The following NLRP6 variants were observed in gnomAD, a reference collection of about 807,000 sequenced individuals.
NLRP6 encodes the protein NACHT, LRR and PYD domains-containing protein 6.
Under a neutral mutation model 70.9 loss-of-function variants are expected in NLRP6, and 55 were observed. The observed-to-expected ratio is 0.78, with a 90% CI of 0.62 to 0.97. The LOEUF (loss-of-function observed/expected upper bound fraction) is 0.97, where lower values mean the gene tolerates loss of function less well. NLRP6 is among the 50% of genes least tolerant of loss of function. The pLI, the probability that NLRP6 is intolerant of heterozygous loss-of-function variation, is 0.00. For synonymous variants in NLRP6, 652 were observed against 581.9 expected (o/e 1.12, Z -1.73); for missense variants, 1,241 against 1,238.3 (o/e 1.00, Z -0.03).
chr11:280,162 T>C lies in NLRP6; in HGVS notation c.428T>C (p.Ile143Thr), dbSNP rs1845446574. ...VKERNARSVK[I>T]TKRFTKLLIA... ...GAGAGGAACGCCCGCTCCGTGAAGA[T>C]CACCAAGCGCTTCACCAAGCTGCTC... The change falls in exon 4 of 8, where the codon ATC (isoleucine) becomes ACC (threonine). Residue 143 changes from isoleucine (I) to threonine (T), a missense_variant. Coordinates refer to ENST00000534750, the MANE Select transcript of NLRP6 (RefSeq NM_001276700.2). 1.3e-6 allele frequency: 2 copies of C among 1,550,816 alleles called. No individual in the cohort carries two copies. Among genetic ancestry groups the C allele is most frequent in the Non-Finnish European group, 1.7e-6 (2 of 1,148,044 alleles).
Position 281,784 on chromosome 11 carries a change from G to C in NLRP6, c.2050G>C (p.Glu684Gln). The C allele has an allele frequency of 6.2e-7, 1 of 1,604,274 alleles. No individual in the cohort carries two copies. Among genetic ancestry groups the C allele is most frequent in the South Asian group, 1.1e-5 (1 of 90,890 alleles). ...LISCRLVAAQEKKKKSLGKRL... is the reference protein window; with the variant it reads ...LISCRLVAAQQKKKKSLGKRL... ...CAGCTGCAGATTGGTTGCTGCGCAG[G>C]AGAAGAAGAAGAAGAGCCTGGGGAA... Residue 684 changes from glutamate to glutamine, a missense_variant, in exon 4 of 8, where the codon GAG becomes CAG. Glu to Gln is a conservative substitution (Grantham distance 29, BLOSUM62 2). Transcript: ENST00000534750.
rs200341428 is a variant in NLRP6, at chr11:284,348, C to T, written c.2317C>T (p.Arg773Cys). 2.1e-4 allele frequency: 336 copies of T among 1,608,980 alleles called. No individual in the cohort carries two copies. The highest frequency in any genetic ancestry group is 9.5e-4 in the South Asian group (86 of 90,956). ...CAACAGGCTCAGTGAGGCGGGACTGCGTATGCTGAGTGAGGGCCTAGCCTG... is the reference window on the plus strand; with the variant it reads ...CAACAGGCTCAGTGAGGCGGGACTGTGTATGCTGAGTGAGGGCCTAGCCTG... Reference protein sequence around the residue: ...LHNRLSEAGLRMLSEGLAWPQ... With the variant: ...LHNRLSEAGLCMLSEGLAWPQ... Residue 773 changes from arginine (R) to cysteine (C), a missense_variant, in exon 6 of 8, where the codon CGT becomes TGT. Coordinates refer to ENST00000534750, the MANE Select transcript of NLRP6 (RefSeq NM_001276700.2).
intron 4 of NLRP6, 22 bp from the exon 5 acceptor site, chr11:282,683 A>T: frequency 6.3e-7 from 1 of 1,593,584 alleles, no homozygotes; most frequent in Non-Finnish European, 8.6e-7. Flanking sequence ...GGTGGGCTTC[A>T]CCTTCCTCTC....
Position 280,374 on chromosome 11 carries a change from A to C in NLRP6, c.640A>C (p.Lys214Gln). Residue 214 changes from lysine (K) to glutamine (Q), a missense_variant, in exon 4 of 8, where the codon AAG (lysine) becomes CAG (glutamine). Lys to Gln is a moderately conservative substitution (Grantham distance 53, BLOSUM62 1). Coordinates refer to ENST00000534750, the MANE Select transcript of NLRP6 (RefSeq NM_001276700.2). ...CATCGGCAAGACCATGGCGGCCAAA[A>C]AGATCCTGTACGACTGGGCGGCGGG... ...AGIGKTMAAK[K>Q]ILYDWAAGKL... The C allele has an allele frequency of 1.3e-6, 2 of 1,548,284 alleles. No individual in the cohort carries two copies. The highest frequency in any genetic ancestry group is 1.7e-4 in the Middle Eastern group (1 of 5,978).
chr11:279,147 G>A (rs890173639), intron 1 of NLRP6, 180 bp from the exon 2 acceptor site: 1 of 492,828 alleles, frequency 2.0e-6, no homozygotes, highest in Non-Finnish European at 3.2e-6. Flanking sequence ...GGGGACGGGG[G>A]AGGGAAAAGT....
Position 279,606 on chromosome 11 carries a change from G to A in NLRP6, c.309G>A (p.Gln103=). ...CGCAGCTCCAGGAGCGGCGGCTGCA[G>A]CGTGAGTTCTGCGCGGGAGGTCCCT... The part of the protein sequence containing the change: ...VAAQLQERRL[Q]RLGLGSGTLL... The change falls in exon 2 of 8, where the codon CAG becomes CAA. Residue 103 remains glutamine (Q), a splice_region_variant and synonymous_variant. Transcript: ENST00000534750. 7.1e-7 allele frequency: 1 copy of A among 1,399,032 alleles called. No individual in the cohort carries two copies. The highest frequency in any genetic ancestry group is 9.2e-7 in the Non-Finnish European group (1 of 1,081,238). The allele number at this position is 1,399,032 out of a possible 1,614,324, so 86.7% of individuals were successfully genotyped here.
rs1228001733 is a variant in NLRP6 at position 281,187 on chromosome 11, C to G, written c.1453C>G (p.Leu485Val). ...GACGCTGTTTCTCAGCAAAAAGGAG[C>G]TGCCGGGCGTGCTGGAGACAGAGGT... ...VQTLFLSKKE[L>V]PGVLETEVTY... is the part of the protein sequence containing the mutation. The change falls in exon 4 of 8, where the codon CTG (leucine) becomes GTG (valine). Residue 485 changes from leucine to valine, a missense_variant. Coordinates refer to ENST00000534750, the MANE Select transcript of NLRP6 (RefSeq NM_001276700.2). 6.2e-7 allele frequency: 1 copy of G among 1,613,216 alleles called. No homozygotes were observed. The highest frequency in any genetic ancestry group is 8.5e-7 in the Non-Finnish European group (1 of 1,179,990).
Position 281,781 on chromosome 11 carries a change from CAGG to C in NLRP6, c.2050_2052del (p.Glu684del), listed in dbSNP as rs754832325. The C allele has an allele frequency of 1.1e-5, 18 of 1,605,656 alleles. No homozygotes were observed. In the African/African-American group the frequency reaches 1.9e-4, roughly 17 times the overall value. ...GATCAGCTGCAGATTGGTTGCTGCG[CAGG>C]AGAAGAAGAAGAAGAGCCTGGGGAA... is the stretch of plus-strand genomic sequence containing the variant. On this transcript the variant is annotated inframe_deletion, in exon 4 of 8. Coordinates refer to ENST00000534750, the MANE Select transcript of NLRP6 (RefSeq NM_001276700.2).
intron 4 of NLRP6, 147 bp downstream of exon 4, chr11:281,986 C>T (rs927876017): frequency 1.2e-5 from 8 of 657,476 alleles, no homozygotes; most frequent in African/African-American, 1.1e-4. Flanking sequence ...CACCTCCTTG[C>T]AAGGCAACCA....
intron 4 of NLRP6, among the ~76,000 whole-genome samples, 191 bp from the exon 5 acceptor site, chr11:282,514 G>A (rs1267399390): frequency 2.0e-5 from 3 of 151,924 alleles, no homozygotes; most frequent in Admixed American, 1.3e-4. Context: ...CACCCCAGTG[G>A]GATGATGCCT....
Position 281,603 on chromosome 11 carries a change from C to T in NLRP6, c.1869C>T (p.Tyr623=), listed in dbSNP as rs777104028. 6.2e-7 allele frequency: 1 copy of T among 1,611,902 alleles called. No individual in the cohort carries two copies. Among genetic ancestry groups the T allele is most frequent in the Non-Finnish European group, 8.5e-7 (1 of 1,179,086 alleles). ...CCAACTACCCACTGGAGTTGCTGTA[C>T]TGCCTGTACGAGACGCAGGAGGACG... The part of the protein sequence containing the change: ...EEPNYPLELL[Y]CLYETQEDAF... Residue 623 remains tyrosine (Y), a synonymous_variant, in exon 4 of 8, where the codon TAC becomes TAT. Transcript: ENST00000534750.
In NLRP6 at chr11:278,993, T is replaced by A. The variant is rs143870174; in HGVS notation, c.30-334T>A. 3,881 of 352,242 alleles carry A rather than the reference T, an allele frequency of 0.011. 33 individuals are homozygous for A. The highest frequency in any genetic ancestry group is 0.024 in the Middle Eastern group (33 of 1,400). 21.8% of individuals were successfully genotyped at this position (352,242 alleles called of 1,614,324 possible). On this transcript the variant is annotated intron_variant, in intron 1 of 7. Coordinates refer to ENST00000534750, the MANE Select transcript of NLRP6 (RefSeq NM_001276700.2). The surrounding 1 kb of genome is among the most constrained non-coding windows in gnomAD (Gnocchi z 4.7). The stretch of plus-strand genomic sequence containing the variant: ...TTGGAAATACCTCCCTCGGGGCATG[T>A]GACCTGTCCTGGGGTGTGGAAGGAC...
rs1433680361 is a variant in NLRP6 at position 280,973 on chromosome 11, GACC to G, written c.1245_1247del (p.Thr416del). On this transcript the variant is annotated inframe_deletion, in exon 4 of 8. Coordinates refer to ENST00000534750, the MANE Select transcript of NLRP6 (RefSeq NM_001276700.2). ...GTCGGGACCTGTCGCGCACGTCCAAGACCACCACGTCAGTGTACCTGCTTTTCA... is the reference window on the plus strand; with the variant it reads ...GTCGGGACCTGTCGCGCACGTCCAAGACCACGTCAGTGTACCTGCTTTTCA... 1.2e-6 allele frequency: 2 copies of G among 1,613,102 alleles called. No individual in the cohort carries two copies.
chr11:285,366 C>CTTGG lies in NLRP6; in HGVS notation c.*62_*63insTTGG. 6.5e-7 allele frequency: 1 copy of CTTGG among 1,540,712 alleles called. No homozygotes were observed. The highest frequency in any genetic ancestry group is 8.9e-7 in the Non-Finnish European group (1 of 1,127,910). ...CAAAGTCCCTGTGGAGAGAACGGCC[C>CTTGG]ATTCCAAGGGCAGGAGGATATTGCT... On this transcript the variant is annotated 3_prime_UTR_variant, in exon 8 of 8. Transcript: ENST00000534750.
Position 280,831 on chromosome 11 carries a change from G to C in NLRP6, c.1097G>C (p.Arg366Thr). Reference sequence around the variant, plus strand: ...TTCTACAAGTATTTCCGGGATGAGAGGAGGGCCGAGCGCGCCTACCGCTTC... The same window carrying C: ...TTCTACAAGTATTTCCGGGATGAGACGAGGGCCGAGCGCGCCTACCGCTTC... Reference protein sequence around the residue: ...KYFYKYFRDERRAERAYRFVK... With the variant: ...KYFYKYFRDETRAERAYRFVK... The change falls in exon 4 of 8, where the codon AGG becomes ACG. Residue 366 changes from arginine (R) to threonine (T), a missense_variant. Arg to Thr is a moderately conservative substitution (Grantham distance 71). Transcript: ENST00000534750. 1.2e-6 allele frequency: 2 copies of C among 1,613,156 alleles called. No individual in the cohort carries two copies. Among genetic ancestry groups the C allele is most frequent in the Non-Finnish European group, 1.7e-6 (2 of 1,179,896 alleles).
chr11:281,267 C>T lies in NLRP6; in HGVS notation c.1533C>T (p.Tyr511=). 1 of 1,610,956 alleles carries T rather than the reference C, an allele frequency of 6.2e-7. No individual in the cohort carries two copies. The highest frequency in any genetic ancestry group is 8.5e-7 in the Non-Finnish European group (1 of 1,178,322). ...SFQEFLAALS[Y]LLEDGGVPRT... ...AGGAGTTCCTCGCGGCACTGTCCTACCTGCTGGAGGACGGCGGGGTGCCCA... is the reference window on the plus strand; with the variant it reads ...AGGAGTTCCTCGCGGCACTGTCCTATCTGCTGGAGGACGGCGGGGTGCCCA... The change falls in exon 4 of 8, where the codon TAC becomes TAT. Residue 511 remains tyrosine, a synonymous_variant. Transcript: ENST00000534750.
chr11:279,357 G>C lies in NLRP6; in HGVS notation c.60G>C (p.Glu20Asp). 2.3e-6 allele frequency: 3 copies of C among 1,295,810 alleles called. No homozygotes were observed. The highest frequency in any genetic ancestry group is 2.9e-6 in the Non-Finnish European group (3 of 1,021,434). The allele number at this position is 1,295,810 out of a possible 1,614,324, so 80.3% of individuals were successfully genotyped here. A position where few individuals can be genotyped will look rare whatever the true frequency, so the allele number is the denominator to read the frequency against. ...STGPRLAVAR[E>D]LLLAALEELS... ...GGCCGCGCCTCGCGGTGGCCCGCGA[G>C]CTGCTCCTGGCTGCGCTGGAGGAAC... Residue 20 changes from glutamate (E) to aspartate (D), a missense_variant, in exon 2 of 8, where the codon GAG (glutamate) becomes GAC (aspartate). Glu to Asp is a conservative substitution (Grantham distance 45). Coordinates refer to ENST00000534750, the MANE Select transcript of NLRP6 (RefSeq NM_001276700.2).
chr11:279,427 G>T lies in NLRP6; in HGVS notation c.130G>T (p.Val44Leu). The T allele has an allele frequency of 3.6e-6, 5 of 1,373,454 alleles. No homozygotes were observed. The highest frequency in any genetic ancestry group is 1.7e-5 in the South Asian group (1 of 60,564). 85.1% of individuals were successfully genotyped at this position (1,373,454 alleles called of 1,614,324 possible). A position where few individuals can be genotyped will look rare whatever the true frequency, so the allele number is the denominator to read the frequency against. Residue 44 changes from valine to leucine, a missense_variant, in exon 2 of 8, where the codon GTG becomes TTG. Physicochemically the swap from Val to Leu is conservative, Grantham distance 32. Transcript: ENST00000534750. Reference sequence around the variant, plus strand: ...GCGCTTCCGCCACAAGCTGCGCGACGTGGGCCCGGACGGACGCAGCATCCC... The same window carrying T: ...GCGCTTCCGCCACAAGCTGCGCGACTTGGGCCCGGACGGACGCAGCATCCC... The part of the protein sequence containing the change: ...LKRFRHKLRD[V>L]GPDGRSIPWG...
intron 5 of NLRP6, 147 bp from the exon 6 acceptor site, chr11:284,079 GGGCA>G: frequency 1.5e-6 from 1 of 678,472 alleles, no homozygotes; most frequent in Non-Finnish European, 2.6e-6. Flanking sequence ...ACAAAGGGCA[GGGCA>G]GGCTCTGCGA....
Sources: gnomAD v4.1 joint callset for allele counts (sites outside exome capture counted in the v4.1 genomes callset) on GRCh38, gnomAD v4.1.1 for gene constraint, Gnocchi (gnomAD v3.1) non-coding constraint, MANE v1.5 for transcripts, NCBI Gene and HGNC (gene_info 2026-07-23, HGNC 2026-07-21) for gene names.